CRTAC1: variants seen among roughly 807,000 people sequenced by gnomAD.
CRTAC1 encodes the protein acidic secreted protein in cartilage.
In CRTAC1, 37 loss-of-function variants were observed where a neutral mutation model predicts 67.8. The observed-to-expected ratio is 0.55, with a 90% CI of 0.42 to 0.72. The LOEUF is 0.72. Ranked by LOEUF, CRTAC1 falls within the 30% of genes least tolerant of loss-of-function variation. The pLI is 0.00. For synonymous variants in CRTAC1, 348 were observed against 371.0 expected, an observed-to-expected ratio of 0.94 and a Z score of 0.71; for missense variants, 780 against 931.6, an observed-to-expected ratio of 0.84 and a Z score of 2.12.
chr10:97,910,240 T>C (rs1007170294), intron 5 of CRTAC1, among the ~76,000 whole-genome samples: 1 of 152,254 alleles, frequency 6.6e-6, no homozygotes, highest in Non-Finnish European at 1.5e-5. Flanking sequence ...ATAATGCATA[T>C]GTTGATTAGC....
At chr10:97,917,732 G>A (rs1226769284) in intron 4 of CRTAC1, 76 bp from the exon 5 acceptor site, 9 of 1,234,138 alleles carry the variant, frequency 7.3e-6, no homozygotes, top group Non-Finnish European at 7.7e-6. Context: ...CCCACCCCAG[G>A]TAGGACCATA....
intron 14 of CRTAC1, chr10:97,870,611 T>G (rs950381639): frequency 6.6e-6 from 1 of 152,106 alleles, no homozygotes; most frequent in Non-Finnish European, 1.5e-5. Flanking sequence ...TTCAATAAAA[T>G]TCACCAGAAA....
intron 4 of CRTAC1, among the ~76,000 whole-genome samples, chr10:97,922,122 C>T (rs959440931): frequency 5.9e-5 from 9 of 152,052 alleles, no homozygotes; most frequent in Admixed American, 5.2e-4. Flanking sequence ...AGGCCCCTAA[C>T]CGTGACCAGG....
At chr10:97,984,799 G>C (rs375858391) in intron 2 of CRTAC1, among the ~76,000 whole-genome samples, 7 of 152,188 alleles carry the variant, frequency 4.6e-5, no homozygotes, top group African/African-American at 1.4e-4. Context: ...TCTGACTTAC[G>C]TGAAAAGGAA....
Position 97,900,400 on chromosome 10 carries a change from C to T in CRTAC1, c.1133+1103G>A, listed in dbSNP as rs184933808. Reference sequence around the variant, plus strand: ...AAAATATTTATGGTCAAGTTAAAGGCGCTGAGAAGTCCTGCAGTAAATAAA... The same window carrying T: ...AAAATATTTATGGTCAAGTTAAAGGTGCTGAGAAGTCCTGCAGTAAATAAA... On this transcript the variant is annotated intron_variant, in intron 8 of 14. Coordinates refer to ENST00000370597, the MANE Select transcript of CRTAC1 (RefSeq NM_018058.7). Among the ~76,000 whole-genome samples the T allele has an allele frequency of 2.2e-3, 329 of 152,348 alleles. 2 individuals carry two copies. Among genetic ancestry groups the T allele is most frequent in the Non-Finnish European group, 4.2e-3 (285 of 68,034 alleles).
intron 3 of CRTAC1, among the ~76,000 whole-genome samples, chr10:97,924,116 C>A (rs914246840): frequency 3.3e-5 from 5 of 151,932 alleles, no homozygotes; most frequent in African/African-American, 1.2e-4. Flanking sequence ...ACACAACATG[C>A]CATACATCAT....
chr10:97,886,904 T>TA (rs2050294070), intron 11 of CRTAC1, among the ~76,000 whole-genome samples: 1 of 152,034 alleles, frequency 6.6e-6, no homozygotes, highest in Non-Finnish European at 1.5e-5. Flanking sequence ...CTCAGCTTCT[T>TA]AAAGTGTTGG....
intron 2 of CRTAC1, among the ~76,000 whole-genome samples, chr10:97,966,291 G>T (rs748322682): frequency 6.6e-6 from 1 of 152,214 alleles, no homozygotes; most frequent in African/African-American, 2.4e-5. Flanking sequence ...TGTATTTTTA[G>T]TACAGACCGG....
At chr10:98,002,823 G>A (rs1031841428) in intron 2 of CRTAC1, among the ~76,000 whole-genome samples, 4 of 121,016 alleles carry the variant, frequency 3.3e-5, no homozygotes, top group Admixed American at 3.2e-4. Flanking sequence ...CTGTCCCCCA[G>A]GCTGGAGTGC....
At chr10:97,984,280 T>A (rs530169612) in intron 2 of CRTAC1, among the ~76,000 whole-genome samples, 2 of 152,334 alleles carry the variant, frequency 1.3e-5, no homozygotes, top group East Asian at 3.9e-4. Context: ...GGCTATTTAA[T>A]AAATATATTG....
intron 2 of CRTAC1, among the ~76,000 whole-genome samples, chr10:97,968,417 T>C (rs184375781): frequency 6.6e-6 from 1 of 152,280 alleles, no homozygotes; most frequent in East Asian, 1.9e-4. Flanking sequence ...TAATTTTTTT[T>C]GTATCTTTAG....
At position 97,971,111 on chromosome 10, in the gene CRTAC1, T is replaced by C. The variant is rs554020596; in HGVS notation, c.225-34745A>G. Among the ~76,000 whole-genome samples, 17 of 152,372 alleles carry C rather than the reference T, an allele frequency of 1.1e-4. No homozygotes were observed. In the South Asian group the frequency reaches 3.5e-3, roughly 32 times the overall value. Reference sequence around the variant, plus strand: ...TATCCAATGCTGACAAGCACACTTATACTCTGATAGAGGCAGTAAAAATTT... The same window carrying C: ...TATCCAATGCTGACAAGCACACTTACACTCTGATAGAGGCAGTAAAAATTT... On this transcript the variant is annotated intron_variant, in intron 2 of 14. Transcript: ENST00000370597.
chr10:98,025,619 T>C (rs1439918174), intron 1 of CRTAC1, among the ~76,000 whole-genome samples: 1 of 152,204 alleles, frequency 6.6e-6, no homozygotes, highest in African/African-American at 2.4e-5. Flanking sequence ...AATGAACCAA[T>C]TGATTTCATA....
intron 2 of CRTAC1, among the ~76,000 whole-genome samples, chr10:97,973,720 G>A (rs2051752080): frequency 6.6e-6 from 1 of 152,148 alleles, no homozygotes. Context: ...TGCTGCTGCA[G>A]TGACAACTTT....
chr10:97,971,806 A>G (rs1427686792), intron 2 of CRTAC1, among the ~76,000 whole-genome samples: 1 of 152,204 alleles, frequency 6.6e-6, no homozygotes, highest in Admixed American at 6.5e-5. Context: ...ACGTCTTATT[A>G]CACCATATCA....
At chr10:97,980,864 C>T (rs368685613) in intron 2 of CRTAC1, among the ~76,000 whole-genome samples, 1 of 152,136 alleles carries the variant, frequency 6.6e-6, no homozygotes, top group East Asian at 1.9e-4. Context: ...GGATGGAGAG[C>T]GGCTGAATAA....
intron 2 of CRTAC1, among the ~76,000 whole-genome samples, chr10:98,004,040 CT>C (rs930395040): frequency 7.9e-5 from 12 of 152,172 alleles, no homozygotes; most frequent in African/African-American, 2.2e-4. Context: ...GCCCTGGCCC[CT>C]GATCCAATTA....
chr10:97,917,777 C>G, intron 4 of CRTAC1, 121 bp from the exon 5 acceptor site: 1 of 713,548 alleles, frequency 1.4e-6, no homozygotes, highest in East Asian at 3.1e-5. Flanking sequence ...CTCCCCAGGT[C>G]TGTTGCAAAT....
rs111392861 is a variant in CRTAC1, at chr10:97,956,741, T to G, written c.225-20375A>C. Among the ~76,000 whole-genome samples the G allele has an allele frequency of 8.5e-3, 1,289 of 152,106 alleles. 23 individuals are homozygous for G. Among genetic ancestry groups the G allele is most frequent in the African/African-American group, 0.03 (1,231 of 41,486 alleles). On this transcript the variant is annotated intron_variant, in intron 2 of 14. Coordinates refer to ENST00000370597, the MANE Select transcript of CRTAC1 (RefSeq NM_018058.7). Reference sequence around the variant, plus strand: ...CAGTTTCCCTCAAGGCACAGCACTTTGCTGGGGTCACAAAAATGATCTCAG... The same window carrying G: ...CAGTTTCCCTCAAGGCACAGCACTTGGCTGGGGTCACAAAAATGATCTCAG...
Sources: gnomAD v4.1 joint callset for allele counts (sites outside exome capture counted in the v4.1 genomes callset) on GRCh38, gnomAD v4.1.1 for gene constraint, MANE v1.5 for transcripts, NCBI Gene and HGNC (gene_info 2026-07-23, HGNC 2026-07-21) for gene names.